LDAH: variants seen among roughly 807,000 people sequenced by gnomAD.
LDAH encodes lipid droplet associated hydrolase, also known as lipid droplet-associated hydrolase.
A neutral mutation model predicts 29.6 loss-of-function variants in LDAH; 26 were observed. That is an observed-to-expected ratio of 0.88 (90% CI 0.64 to 1.22). The LOEUF (loss-of-function observed/expected upper bound fraction) is 1.22, where lower values mean the gene tolerates loss of function less well. Among genes scored for constraint, LDAH ranks in the 50% most tolerant of loss-of-function variants. The pLI is 0.00. For synonymous variants in LDAH, 117 were observed against 133.0 expected (o/e 0.88, Z 0.83); for missense variants, 344 against 387.3 (o/e 0.89, Z 0.94).
In LDAH at chr2:20,695,503, A is replaced by G. The variant is rs1316396314; in HGVS notation, c.786+6067T>C. Among the ~76,000 whole-genome samples the G allele has an allele frequency of 1.0e-4, 15 of 145,700 alleles. No homozygotes were observed. The South Asian group carries it at 3.2e-3, about 31-fold the overall frequency. Reference sequence around the variant, plus strand: ...AGTCTCGCTCTGTTGCCCAGGCTGGAGTGCAGTAGCATGATCTTGGCTCAC... The same window carrying G: ...AGTCTCGCTCTGTTGCCCAGGCTGGGGTGCAGTAGCATGATCTTGGCTCAC... On this transcript the variant is annotated intron_variant, in intron 6 of 6. Transcript: ENST00000237822.
intron 5 of LDAH, among the ~76,000 whole-genome samples, chr2:20,702,988 C>A (rs58318259): frequency 0.067 from 10,170 of 152,124 alleles, 470 homozygotes; most frequent in East Asian, 0.13. Flanking sequence ...CACCACACTC[C>A]GCTAATTTTG....
intron 4 of LDAH, among the ~76,000 whole-genome samples, chr2:20,756,039 CT>C (rs997802314): frequency 4.0e-5 from 6 of 148,480 alleles, no homozygotes; most frequent in Non-Finnish European, 6.0e-5. Flanking sequence ...TTCTTTTTTT[CT>C]TTTTTTTTTG....
chr2:20,766,438 A>T (rs1386806325), intron 4 of LDAH, among the ~76,000 whole-genome samples: 2 of 152,160 alleles, frequency 1.3e-5, no homozygotes, highest in East Asian at 3.8e-4. Context: ...CTGCCATGGG[A>T]CTTGAATATT....
chr2:20,731,582 C>T (rs1411960387), intron 5 of LDAH, among the ~76,000 whole-genome samples: 4 of 152,126 alleles, frequency 2.6e-5, no homozygotes, highest in African/African-American at 9.7e-5. Flanking sequence ...TATGTCTCTC[C>T]ATTTACTTAG....
At chr2:20,794,023 T>C (rs1671140586) in intron 2 of LDAH, among the ~76,000 whole-genome samples, 1 of 150,922 alleles carries the variant, frequency 6.6e-6, no homozygotes, top group Admixed American at 6.6e-5. Context: ...GATAAAGACA[T>C]ACCCGAAACT....
At chr2:20,693,409 T>A (rs930806339) in intron 6 of LDAH, among the ~76,000 whole-genome samples, 4 of 152,198 alleles carry the variant, frequency 2.6e-5, no homozygotes, top group Non-Finnish European at 4.4e-5. Flanking sequence ...AAACATTTTT[T>A]AAAATATAAA....
chr2:20,799,913 T>C (rs1671553167), intron 2 of LDAH, among the ~76,000 whole-genome samples: 1 of 151,918 alleles, frequency 6.6e-6, no homozygotes, highest in Non-Finnish European at 1.5e-5. Context: ...TTAAAAAACA[T>C]GAAGAACACA....
rs1044218857 is a variant in LDAH at position 20,685,317 on chromosome 2, A to G, written c.*1586T>C. ...TATCAGTGAGTATCTCCTGTATGCA[A>G]GGCGCTCAGAGCCATGATTCCTAGC... On this transcript the variant is annotated 3_prime_UTR_variant, in exon 7 of 7. Coordinates refer to ENST00000237822, the MANE Select transcript of LDAH (RefSeq NM_021925.4). 1 of 563,662 alleles carries G rather than the reference A, an allele frequency of 1.8e-6. No individual in the cohort carries two copies. Among genetic ancestry groups the G allele is most frequent in the East Asian group, 3.0e-5 (1 of 33,350 alleles). The allele number at this position is 563,662 out of a possible 1,614,324, so 34.9% of individuals were successfully genotyped here.
intron 4 of LDAH, among the ~76,000 whole-genome samples, chr2:20,774,523 A>G (rs1669656769): frequency 6.6e-6 from 1 of 152,224 alleles, no homozygotes; most frequent in Admixed American, 6.5e-5. Context: ...ATTTCTTTAT[A>G]AAAAACAGCA....
Position 20,686,211 on chromosome 2 carries a change from G to C in LDAH, c.*692C>G, listed in dbSNP as rs951072052. ...CTAAGGCTCAGCATAGAACTTGCTG[G>C]TTGTCCTGTGGCAGGAGGCACAGTT... On this transcript the variant is annotated 3_prime_UTR_variant, in exon 7 of 7. Transcript: ENST00000237822. 1.3e-5 allele frequency: 2 copies of C among 153,054 alleles called. No homozygotes were observed. The highest frequency in any genetic ancestry group is 4.8e-5 in the African/African-American group (2 of 41,440). The allele number at this position is 153,054 out of a possible 1,614,324, so 9.5% of individuals were successfully genotyped here.
intron 5 of LDAH, among the ~76,000 whole-genome samples, chr2:20,711,364 G>C (rs1466095647): frequency 1.3e-5 from 2 of 149,814 alleles, no homozygotes; most frequent in African/African-American, 4.9e-5. Context: ...TAGCCTCGGC[G>C]ACAGAGCGAG....
At chr2:20,809,250 T>A (rs1451448160) in intron 1 of LDAH, among the ~76,000 whole-genome samples, 2 of 123,756 alleles carry the variant, frequency 1.6e-5, no homozygotes, top group African/African-American at 1.0e-4. Context: ...AAAAAAAAAA[T>A]TAGCTGCGCT....
At chr2:20,718,992 G>A (rs1665447708) in intron 5 of LDAH, among the ~76,000 whole-genome samples, 10 of 151,894 alleles carry the variant, frequency 6.6e-5, no homozygotes, top group Admixed American at 6.6e-4. Context: ...CAATATACCA[G>A]AACCTATGGG....
intron 4 of LDAH, among the ~76,000 whole-genome samples, chr2:20,748,355 T>C (rs1387780232): frequency 1.3e-5 from 2 of 152,246 alleles, no homozygotes; most frequent in East Asian, 1.9e-4. Context: ...TAAGGAATGT[T>C]TGCATATTTG....
Position 20,684,131 on chromosome 2 carries a change from C to T in LDAH, c.*2772G>A, listed in dbSNP as rs1000095908. The T allele has an allele frequency of 3.9e-5, 6 of 152,206 alleles. No individual in the cohort carries two copies. The highest frequency in any genetic ancestry group is 1.2e-4 in the African/African-American group (5 of 41,450). 9.4% of individuals were successfully genotyped at this position (152,206 alleles called of 1,614,324 possible). Reference sequence around the variant, plus strand: ...CATTATTTTCCCCTCAACCATCTGACAGTAAACAGACATGATGCCCCTCAC... The same window carrying T: ...CATTATTTTCCCCTCAACCATCTGATAGTAAACAGACATGATGCCCCTCAC... On this transcript the variant is annotated 3_prime_UTR_variant, in exon 7 of 7. Transcript: ENST00000237822.
chr2:20,778,952 C>G (rs980384427), intron 3 of LDAH, among the ~76,000 whole-genome samples: 1 of 151,010 alleles, frequency 6.6e-6, no homozygotes. Context: ...TGGCTATATA[C>G]TGAATATAAA....
chr2:20,766,861 G>A (rs1184535472), intron 4 of LDAH, among the ~76,000 whole-genome samples: 2 of 152,156 alleles, frequency 1.3e-5, no homozygotes, highest in Non-Finnish European at 2.9e-5. Context: ...TGACTGTGAC[G>A]CCTGCTTCGG....
At chr2:20,801,254 CAG>C (rs1180525461) in intron 2 of LDAH, 54 bp downstream of exon 2, 1 of 1,536,058 alleles carries the variant, frequency 6.5e-7, no homozygotes, top group African/African-American at 1.4e-5. Flanking sequence ...ACTTTAAAAT[CAG>C]ACATAGTTAT....
At chr2:20,696,606 T>TC (rs1237714837) in intron 6 of LDAH, among the ~76,000 whole-genome samples, 3 of 151,898 alleles carry the variant, frequency 2.0e-5, no homozygotes, top group Non-Finnish European at 4.4e-5. Flanking sequence ...AGTTTAGAAT[T>TC]CCCCCCCTAA....
Sources: gnomAD v4.1 joint callset for allele counts (sites outside exome capture counted in the v4.1 genomes callset) on GRCh38, gnomAD v4.1.1 for gene constraint, MANE v1.5 for transcripts, NCBI Gene and HGNC (gene_info 2026-07-23, HGNC 2026-07-21) for gene names.